TAX1BP3: variants seen among roughly 807,000 people sequenced by gnomAD.
TAX1BP3 encodes the protein tax1-binding protein 3.
A neutral mutation model predicts 15.3 loss-of-function variants in TAX1BP3; 13 were observed. That is an observed-to-expected ratio of 0.85 (90% confidence interval 0.55 to 1.35). The LOEUF is 1.35. Ranked by LOEUF, TAX1BP3 falls within the 40% of genes most tolerant of loss-of-function variation. The pLI is 0.00. For synonymous variants in TAX1BP3, 70 were observed against 66.0 expected (o/e 1.06, Z -0.30); for missense variants, 147 against 169.6 (o/e 0.87, Z 0.74).
At chr17:3,666,850 C>T (rs556864518) in intron 1 of TAX1BP3, among the ~76,000 whole-genome samples, 1 of 152,290 alleles carries the variant, frequency 6.6e-6, no homozygotes, top group East Asian at 1.9e-4. Context: ...CCTCATGCCC[C>T]AAACTGAGCT....
At chr17:3,665,364 CA>C in intron 1 of TAX1BP3, 2 of 1,363,390 alleles carry the variant, frequency 1.5e-6, no homozygotes, top group Non-Finnish European at 2.1e-6. Context: ...GGGTACTGTT[CA>C]AAAAGGAATG....
chr17:3,663,342 A>T lies in TAX1BP3; in HGVS notation c.*406T>A. On this transcript the variant is annotated 3_prime_UTR_variant, in exon 4 of 4. Coordinates refer to ENST00000225525, the MANE Select transcript of TAX1BP3 (RefSeq NM_014604.4). ...TGTGGACACACGAGGGCTGGGGGGCAGGGGCGGAGCCGAACCCTGCAGCCA... is the reference window on the plus strand; with the variant it reads ...TGTGGACACACGAGGGCTGGGGGGCTGGGGCGGAGCCGAACCCTGCAGCCA... The T allele has an allele frequency of 6.1e-6, 1 of 164,670 alleles. No individual in the cohort carries two copies. The highest frequency in any genetic ancestry group is 2.8e-3 in the Middle Eastern group (1 of 352). 10.2% of individuals were successfully genotyped at this position (164,670 alleles called of 1,614,324 possible).
intron 1 of TAX1BP3, among the ~76,000 whole-genome samples, chr17:3,666,060 C>T (rs2076337761): frequency 1.3e-5 from 2 of 152,368 alleles, no homozygotes; most frequent in South Asian, 4.1e-4. Flanking sequence ...CTTTTCAAAG[C>T]CCTTGGCAAG....
Position 3,664,428 on chromosome 17 carries a change from G to A in TAX1BP3, c.160-156C>T, listed in dbSNP as rs186853798. 2.3e-4 allele frequency: 232 copies of A among 1,018,520 alleles called. No homozygotes were observed. In the African/African-American group the frequency reaches 2.8e-3, roughly 12 times the overall value. 63.1% of individuals were successfully genotyped at this position (1,018,520 alleles called of 1,614,324 possible). Reference sequence around the variant, plus strand: ...CAGTGAGGACTGTTCTGAGAGAGCCGGGGCAGAGTTGCTGCACCACCATGC... The same window carrying A: ...CAGTGAGGACTGTTCTGAGAGAGCCAGGGCAGAGTTGCTGCACCACCATGC... On this transcript the variant is annotated intron_variant, in intron 2 of 3. Transcript: ENST00000225525.
rs2076306227 is a variant in TAX1BP3 at position 3,663,622 on chromosome 17, T to C, written c.*126A>G. ...GGGAAGGAAGGCCAGGCCAGGCCTC[T>C]GGGACCAGCTATAGCCCTTCTGAGC... On this transcript the variant is annotated 3_prime_UTR_variant, in exon 4 of 4. Coordinates refer to ENST00000225525, the MANE Select transcript of TAX1BP3 (RefSeq NM_014604.4). 2 of 1,384,160 alleles carry C rather than the reference T, an allele frequency of 1.4e-6. No individual in the cohort carries two copies. The highest frequency in any genetic ancestry group is 1.4e-5 in the African/African-American group (1 of 69,878). The allele number at this position is 1,384,160 out of a possible 1,614,324, so 85.7% of individuals were successfully genotyped here. A position where few individuals can be genotyped will look rare whatever the true frequency, so the allele number is the denominator to read the frequency against.
intron 1 of TAX1BP3, among the ~76,000 whole-genome samples, chr17:3,666,460 C>T (rs1312719211): frequency 1.3e-5 from 2 of 152,110 alleles, no homozygotes; most frequent in Admixed American, 6.6e-5. Context: ...ACCCAGCCAC[C>T]GTGCCTGGCT....
chr17:3,664,601 C>T (rs763265210), intron 2 of TAX1BP3, 78 bp downstream of exon 2: 30 of 1,554,562 alleles, frequency 1.9e-5, no homozygotes, highest in Admixed American at 3.3e-5. Flanking sequence ...TCCTTCCATG[C>T]AGGCCCAGGA....
Position 3,668,208 on chromosome 17 carries a change from C to T in TAX1BP3, c.39+280G>A, listed in dbSNP as rs1048588481. ...GAGGCCCGGGAAGGGGGCGCTTTTC[C>T]AGGCTCCTGCAGCCAGGCCTTTCCC... On this transcript the variant is annotated intron_variant, in intron 1 of 3. Coordinates refer to ENST00000225525, the MANE Select transcript of TAX1BP3 (RefSeq NM_014604.4). The surrounding 1 kb of genome is among the most constrained non-coding windows in gnomAD (Gnocchi z 4.1). Among the ~76,000 whole-genome samples, 61 of 152,332 alleles carry T rather than the reference C, an allele frequency of 4.0e-4. No individual in the cohort carries two copies. Among genetic ancestry groups the T allele is most frequent in the African/African-American group, 1.5e-3 (61 of 41,584 alleles).
chr17:3,665,369 A>C (rs1261467966), intron 1 of TAX1BP3: 5 of 1,375,584 alleles, frequency 3.6e-6, no homozygotes, highest in Non-Finnish European at 5.1e-6. Context: ...CTGTTCAAAA[A>C]GGAATGCCCC....
intron 1 of TAX1BP3, among the ~76,000 whole-genome samples, chr17:3,666,719 A>C (rs1302752786): frequency 6.6e-6 from 1 of 152,148 alleles, no homozygotes; most frequent in Non-Finnish European, 1.5e-5. Context: ...CACCATGTCC[A>C]GGCACGTTCC....
intron 2 of TAX1BP3, 112 bp downstream of exon 2, chr17:3,664,567 C>T: frequency 6.9e-7 from 1 of 1,445,544 alleles, no homozygotes. Context: ...TCTTAGAGAG[C>T]ATGGTTTGAG....
At chr17:3,664,896 G>A (rs1424314598) in intron 1 of TAX1BP3, 98 bp from the exon 2 acceptor site, 1 of 1,517,854 alleles carries the variant, frequency 6.6e-7, no homozygotes, top group African/African-American at 1.4e-5. Context: ...CAAGGGGCTG[G>A]GTCCCAGGCC....
rs200414293 is a variant in TAX1BP3 at position 3,668,462 on chromosome 17, G to A, written c.39+26C>T. 179 of 1,607,250 alleles carry A rather than the reference G, an allele frequency of 1.1e-4. 1 individual carries two copies. In the African/African-American group the frequency reaches 1.8e-3, roughly 16 times the overall value. ...GCGAGGTGGGGTCAGGCCAAGACGA[G>A]GAGGAGCCCGCGCAAGCGCACTCAC... On this transcript the variant is annotated intron_variant, in intron 1 of 3. Transcript: ENST00000225525. This position sits in a 1 kb window ranked among gnomAD's most constrained non-coding sequence, Gnocchi z 4.1.
At position 3,662,999 on chromosome 17, in the gene TAX1BP3, A is replaced by G; in HGVS notation, c.*749T>C. ...TGCACTTGCTGAGCTTCCAGATGCG[A>G]ATTAGTAAAAGCTAAATTCAAAAGT... On this transcript the variant is annotated 3_prime_UTR_variant, in exon 4 of 4. Transcript: ENST00000225525. 1 of 152,236 alleles carries G rather than the reference A, an allele frequency of 6.6e-6. No homozygotes were observed. Among genetic ancestry groups the G allele is most frequent in the South Asian group, 2.1e-4 (1 of 4,830 alleles). The allele number at this position is 152,236 out of a possible 1,614,324, so 9.4% of individuals were successfully genotyped here. A position where few individuals can be genotyped will look rare whatever the true frequency, so the allele number is the denominator to read the frequency against.
At chr17:3,667,405 C>T (rs763426324) in intron 1 of TAX1BP3, among the ~76,000 whole-genome samples, 1 of 151,304 alleles carries the variant, frequency 6.6e-6, no homozygotes, top group Non-Finnish European at 1.5e-5. Flanking sequence ...CAGCTGTCAG[C>T]TGGTCCAGCA....
At chr17:3,665,014 C>T (rs925372156) in intron 1 of TAX1BP3, among the ~76,000 whole-genome samples, 4 of 152,324 alleles carry the variant, frequency 2.6e-5, no homozygotes, top group South Asian at 4.1e-4. Flanking sequence ...CCTGTCCCCA[C>T]TTCCCCTGTT....
chr17:3,666,804 G>C (rs888932139), intron 1 of TAX1BP3, among the ~76,000 whole-genome samples: 2 of 152,150 alleles, frequency 1.3e-5, no homozygotes, highest in South Asian at 2.1e-4. Context: ...GCGTGAGGGA[G>C]GGGGGCAGGA....
In TAX1BP3 at chr17:3,665,592, T is replaced by C. The variant is rs2076331215; in HGVS notation, c.40-794A>G. 122 of 1,292,930 alleles carry C rather than the reference T, an allele frequency of 9.4e-5. 2 individuals carry two copies. The South Asian group carries it at 1.4e-3, about 15-fold the overall frequency. 80.1% of individuals were successfully genotyped at this position (1,292,930 alleles called of 1,614,324 possible). A position where few individuals can be genotyped will look rare whatever the true frequency, so the allele number is the denominator to read the frequency against. On this transcript the variant is annotated intron_variant, in intron 1 of 3. Coordinates refer to ENST00000225525, the MANE Select transcript of TAX1BP3 (RefSeq NM_014604.4). ...GAAAGAAGCCAAAGAGAAAGGTACC[T>C]GGGTTCAACTAAAGCACCAGCCTGC...
At chr17:3,667,053 G>C (rs2076347207) in intron 1 of TAX1BP3, among the ~76,000 whole-genome samples, 2 of 152,142 alleles carry the variant, frequency 1.3e-5, no homozygotes, top group Admixed American at 1.3e-4. Context: ...ATCTAAAAAA[G>C]CCAGGCTGGG....
Sources: gnomAD v4.1 joint callset for allele counts (sites outside exome capture counted in the v4.1 genomes callset) on GRCh38, gnomAD v4.1.1 for gene constraint, Gnocchi (gnomAD v3.1) non-coding constraint, MANE v1.5 for transcripts, NCBI Gene and HGNC (gene_info 2026-07-23, HGNC 2026-07-21) for gene names.